CRPPA: variants seen among roughly 807,000 people sequenced by gnomAD.
CRPPA encodes CDP-L-ribitol pyrophosphorylase A.
CRPPA carries 43 observed loss-of-function variants against 52.0 expected under a neutral mutation model. That is an observed-to-expected ratio of 0.83 (90% CI 0.65 to 1.07). The LOEUF is 1.07. CRPPA is among the 50% of genes least tolerant of loss of function. The pLI is 0.00. For missense variants in CRPPA, 629 were observed against 551.7 expected (o/e 1.14, Z -1.40); for synonymous variants, 250 against 203.5 (o/e 1.23, Z -1.94).
intron 2 of CRPPA, among the ~76,000 whole-genome samples, chr7:16,405,164 A>G (rs760434984): frequency 3.8e-4 from 57 of 151,988 alleles, no homozygotes; most frequent in Admixed American, 6.5e-4. Context: ...CTGTTGGCCT[A>G]TAATCTTAGA....
At chr7:16,295,493 G>A (rs906519188) in intron 5 of CRPPA, among the ~76,000 whole-genome samples, 15 of 151,880 alleles carry the variant, frequency 9.9e-5, no homozygotes, top group Non-Finnish European at 1.6e-4. Context: ...GTTTACTTGG[G>A]TTTGTACAAG....
At chr7:16,145,665 T>C (rs1039396613) in intron 9 of CRPPA, among the ~76,000 whole-genome samples, 1 of 150,070 alleles carries the variant, frequency 6.7e-6, no homozygotes, top group African/African-American at 2.4e-5. Flanking sequence ...AGAAACCTTG[T>C]AGCTGAAGAA....
chr7:16,210,386 C>A (rs1450002243), intron 9 of CRPPA: 1 of 152,120 alleles, frequency 6.6e-6, no homozygotes, highest in Non-Finnish European at 1.5e-5. Flanking sequence ...TAGTGATTTG[C>A]CTCTGGCGAA....
intron 3 of CRPPA, among the ~76,000 whole-genome samples, chr7:16,324,118 A>T (rs1469953206): frequency 6.6e-6 from 1 of 152,218 alleles, no homozygotes; most frequent in African/African-American, 2.4e-5. Flanking sequence ...TCAGTTGACC[A>T]AATGGATAGG....
At chr7:16,235,277 A>G (rs1782917491) in intron 8 of CRPPA, among the ~76,000 whole-genome samples, 1 of 151,996 alleles carries the variant, frequency 6.6e-6, no homozygotes, top group African/African-American at 2.4e-5. Context: ...ACTTTGAGAT[A>G]GGATGACATG....
At chr7:16,272,083 TC>T (rs201102361) in intron 6 of CRPPA, among the ~76,000 whole-genome samples, 1 of 152,314 alleles carries the variant, frequency 6.6e-6, no homozygotes, top group East Asian at 1.9e-4. Flanking sequence ...ACCACCCTGA[TC>T]TATCTCTGGA....
chr7:16,228,262 C>T (rs1356771478), intron 8 of CRPPA, among the ~76,000 whole-genome samples: 2 of 151,774 alleles, frequency 1.3e-5, no homozygotes, highest in African/African-American at 4.8e-5. Flanking sequence ...TTCAAAAAAA[C>T]TCACTCTTAG....
intron 3 of CRPPA, among the ~76,000 whole-genome samples, chr7:16,372,271 T>C (rs1266319453): frequency 6.6e-6 from 1 of 151,970 alleles, no homozygotes; most frequent in African/African-American, 2.4e-5. Flanking sequence ...TCAAGACAAA[T>C]GAAAGAAATG....
At chr7:16,256,528 G>C (rs1325540613) in intron 8 of CRPPA, among the ~76,000 whole-genome samples, 1 of 152,140 alleles carries the variant, frequency 6.6e-6, no homozygotes, top group African/African-American at 2.4e-5. Context: ...GCCCATCAGT[G>C]ATAGACTGGA....
intron 3 of CRPPA, among the ~76,000 whole-genome samples, chr7:16,323,799 A>T (rs1389890254): frequency 6.6e-6 from 1 of 152,246 alleles, no homozygotes; most frequent in Admixed American, 6.5e-5. Flanking sequence ...CAGATACAGG[A>T]AATAGAAATC....
At chr7:16,201,809 G>A (rs1037385262) in intron 9 of CRPPA, among the ~76,000 whole-genome samples, 1 of 152,060 alleles carries the variant, frequency 6.6e-6, no homozygotes. Context: ...TTAAATAATT[G>A]TATTATTTGC....
intron 2 of CRPPA, among the ~76,000 whole-genome samples, chr7:16,379,359 C>T (rs375649441): frequency 3.9e-5 from 6 of 152,044 alleles, no homozygotes; most frequent in African/African-American, 7.2e-5. Context: ...ATCTCTGTTT[C>T]GGTACCAGTA....
chr7:16,298,660 G>A (rs937931599), intron 5 of CRPPA, among the ~76,000 whole-genome samples: 1 of 152,142 alleles, frequency 6.6e-6, no homozygotes, highest in Non-Finnish European at 1.5e-5. Context: ...AATTTTATGT[G>A]TCAATTACAT....
Position 16,406,104 on chromosome 7 carries a change from T to G in CRPPA, c.491A>C (p.Glu164Ala). The G allele has an allele frequency of 6.2e-7, 1 of 1,613,896 alleles. No individual in the cohort carries two copies. The highest frequency in any genetic ancestry group is 8.5e-7 in the Non-Finnish European group (1 of 1,179,840). Reference protein sequence around the residue: ...IHDAVRPFVEEGVLLKVVTAA... With the variant: ...IHDAVRPFVEAGVLLKVVTAA... ...TGTGACAACTTTAAGAAGGACACCTTCCTCAACAAATGGTCTCACAGCATC... is the reference window on the plus strand; with the variant it reads ...TGTGACAACTTTAAGAAGGACACCTGCCTCAACAAATGGTCTCACAGCATC... Residue 164 changes from glutamate to alanine, a missense_variant, in exon 2 of 10, where the codon GAA (glutamate) becomes GCA (alanine). By Grantham distance (107) the Glu-to-Ala change is moderately radical (BLOSUM62 -1). Transcript: ENST00000407010.
chr7:16,219,900 T>A (rs1377807337), intron 8 of CRPPA, among the ~76,000 whole-genome samples: 1 of 148,974 alleles, frequency 6.7e-6, no homozygotes, highest in Non-Finnish European at 1.5e-5. Context: ...CTGAAACTAT[T>A]CCAATCAACA....
At chr7:16,383,257 C>A (rs904238165) in intron 2 of CRPPA, among the ~76,000 whole-genome samples, 6 of 152,130 alleles carry the variant, frequency 3.9e-5, no homozygotes, top group Non-Finnish European at 5.9e-5. Flanking sequence ...TAGAGGTCCA[C>A]TCTAGACCCT....
intron 9 of CRPPA, among the ~76,000 whole-genome samples, chr7:16,138,032 T>C (rs1195118503): frequency 6.6e-6 from 1 of 152,106 alleles, no homozygotes; most frequent in Non-Finnish European, 1.5e-5. Flanking sequence ...TGACAAGAAA[T>C]AGATAACATA....
intron 5 of CRPPA, among the ~76,000 whole-genome samples, chr7:16,290,815 T>C (rs1583496018): frequency 1.3e-5 from 2 of 152,158 alleles, no homozygotes; most frequent in Admixed American, 6.6e-5. Flanking sequence ...AAAAAGCTTC[T>C]GCACAGCAAA....
intron 3 of CRPPA, among the ~76,000 whole-genome samples, chr7:16,343,811 T>C (rs1785933922): frequency 6.6e-6 from 1 of 152,148 alleles, no homozygotes; most frequent in Non-Finnish European, 1.5e-5. Context: ...TGCTCTCACC[T>C]CTGGATGACC....
Sources: gnomAD v4.1 joint callset for allele counts (sites outside exome capture counted in the v4.1 genomes callset) on GRCh38, gnomAD v4.1.1 for gene constraint, MANE v1.5 for transcripts, NCBI Gene and HGNC (gene_info 2026-07-23, HGNC 2026-07-21) for gene names.